The following SCARF1 variants were observed in gnomAD, a reference collection of about 807,000 sequenced individuals.
SCARF1 encodes acetyl LDL receptor.
In SCARF1, 49 loss-of-function variants were observed where a neutral mutation model predicts 76.3. That is an observed-to-expected ratio of 0.64 (90% CI 0.51 to 0.81). SCARF1 has a LOEUF of 0.81. Among genes scored for constraint, SCARF1 ranks in the 40% least tolerant of loss-of-function variants. The pLI, the probability that SCARF1 is intolerant of heterozygous loss-of-function variation, is 0.00. For missense variants in SCARF1, 1,098 were observed against 1,143.9 expected, an observed-to-expected ratio of 0.96 and a Z score of 0.58; for synonymous variants, 495 against 474.6, an observed-to-expected ratio of 1.04 and a Z score of -0.56.
intron 6 of SCARF1, 44 bp downstream of exon 6, chr17:1,639,868 C>G: frequency 6.2e-7 from 1 of 1,611,370 alleles, no homozygotes; most frequent in Non-Finnish European, 8.5e-7. Context: ...GAGCCCTGAC[C>G]TAGGCCCCTG....
In SCARF1 at chr17:1,644,957, T is replaced by C. The variant is rs1353174844; in HGVS notation, c.164-22A>G. The C allele has an allele frequency of 1.9e-6, 3 of 1,609,464 alleles. No individual in the cohort carries two copies. The highest frequency in any genetic ancestry group is 1.7e-5 in the Admixed American group (1 of 59,286). On this transcript the variant is annotated intron_variant, in intron 2 of 10. Transcript: ENST00000263071. The surrounding 1 kb of genome is among the most constrained non-coding windows in gnomAD (Gnocchi z 4.8). ...ATGGCTGAAAGACACCCCACCCAGG[T>C]TGGAAAGACGGGAGCAGGACCAGGG...
At chr17:1,637,876 C>A (rs1469040962) in intron 8 of SCARF1, among the ~76,000 whole-genome samples, 1 of 152,334 alleles carries the variant, frequency 6.6e-6, no homozygotes, top group Non-Finnish European at 1.5e-5. Context: ...GTTCCTCCAA[C>A]AGCCTTTGCA....
Position 1,635,324 on chromosome 17 carries a change from C to T in SCARF1, c.1927G>A (p.Ala643Thr), listed in dbSNP as rs762474903. Residue 643 changes from alanine (A) to threonine (T), a missense_variant, in exon 11 of 11, where the codon GCC becomes ACC. Transcript: ENST00000263071. ...EESTGPEEAE[A>T]PESFPAAASP... Reference sequence around the variant, plus strand: ...GCAGCCGCCGGAAAGGACTCGGGGGCTTCTGCTTCCTCTGGGCCTGTGGAC... The same window carrying T: ...GCAGCCGCCGGAAAGGACTCGGGGGTTTCTGCTTCCTCTGGGCCTGTGGAC... The T allele has an allele frequency of 1.2e-6, 2 of 1,612,626 alleles. No homozygotes were observed. The highest frequency in any genetic ancestry group is 1.1e-5 in the South Asian group (1 of 91,052).
At position 1,637,895 on chromosome 17, in the gene SCARF1, C is replaced by T. The variant is rs374135005; in HGVS notation, c.1365-833G>A. On this transcript the variant is annotated intron_variant, in intron 8 of 10. Coordinates refer to ENST00000263071, the MANE Select transcript of SCARF1 (RefSeq NM_003693.4). ...CTCCAACAGCCTTTGCACCTGTCCT[C>T]GTGTCCCTGCGAGGGGCTTCTTCCC... Among the ~76,000 whole-genome samples the T allele has an allele frequency of 8.5e-5, 13 of 152,320 alleles. No individual in the cohort carries two copies. The South Asian group carries it at 1.9e-3, about 22-fold the overall frequency.
chr17:1,643,425 C>G lies in SCARF1; in HGVS notation c.791+17G>C. 8.2e-7 allele frequency: 1 copy of G among 1,226,180 alleles called. No individual in the cohort carries two copies. Among genetic ancestry groups the G allele is most frequent in the Non-Finnish European group, 1.0e-6 (1 of 984,240 alleles). The allele number at this position is 1,226,180 out of a possible 1,614,324, so 76.0% of individuals were successfully genotyped here. ...CCCCGCCCCGCCAGCCCACCTGTCC[C>G]CGCCCCGCCCGCTCACCTGTGTGCG... On this transcript the variant is annotated intron_variant, in intron 4 of 10. Transcript: ENST00000263071.
chr17:1,644,686 G>C lies in SCARF1; in HGVS notation c.265+148C>G. The C allele has an allele frequency of 5.3e-6, 4 of 757,138 alleles. No homozygotes were observed. Among genetic ancestry groups the C allele is most frequent in the African/African-American group, 3.4e-5 (2 of 58,080 alleles). 46.9% of individuals were successfully genotyped at this position (757,138 alleles called of 1,614,324 possible). On this transcript the variant is annotated intron_variant, in intron 3 of 10. Coordinates refer to ENST00000263071, the MANE Select transcript of SCARF1 (RefSeq NM_003693.4). The surrounding 1 kb of genome is among the most constrained non-coding windows in gnomAD (Gnocchi z 4.8). The stretch of plus-strand genomic sequence containing the variant: ...CTCCCGGGAGTGTGTGTCACTTCCT[G>C]TCTCTGGACCGCAATTCCTCAGTGA...
chr17:1,645,602 G>T lies in SCARF1; in HGVS notation c.96C>A (p.Ala32=). 6.2e-7 allele frequency: 1 copy of T among 1,606,444 alleles called. No individual in the cohort carries two copies. Residue 32 remains alanine, a synonymous_variant, in exon 1 of 11, where the codon GCC becomes GCA. Transcript: ENST00000263071. This position sits in a 1 kb window ranked among gnomAD's most constrained non-coding sequence, Gnocchi z 6.3. ...CAGACTCCCACGAGACCCACCTGCT[G>T]GCCACACAGACGTGCTGCCCTTTGG... ...LDPKGQHVCV[A]SSPSAELQCC...
At position 1,640,959 on chromosome 17, in the gene SCARF1, G is replaced by A. The variant is rs955159870; in HGVS notation, c.792-293C>T. Reference sequence around the variant, plus strand: ...GCCAGGGCAGGCGAGTCACCACCAAGCTCTGAGTCCCATTTGCGAGGTCTG... The same window carrying A: ...GCCAGGGCAGGCGAGTCACCACCAAACTCTGAGTCCCATTTGCGAGGTCTG... On this transcript the variant is annotated intron_variant, in intron 4 of 10. Transcript: ENST00000263071. The surrounding 1 kb of genome is among the most constrained non-coding windows in gnomAD (Gnocchi z 4.7). Among the ~76,000 whole-genome samples the A allele has an allele frequency of 3.3e-5, 5 of 152,192 alleles. No homozygotes were observed. Among genetic ancestry groups the A allele is most frequent in the African/African-American group, 1.2e-4 (5 of 41,448 alleles).
chr17:1,637,074 G>T lies in SCARF1; in HGVS notation c.1365-12C>A. On this transcript the variant is annotated splice_polypyrimidine_tract_variant and intron_variant, in intron 8 of 10. Transcript: ENST00000263071. ...CATCTCTCGCTGGCCTGAGGGAGGA[G>T]GGTAGGGACACTGGTCAGTACATGA... 6.2e-7 allele frequency: 1 copy of T among 1,613,650 alleles called. No homozygotes were observed. The highest frequency in any genetic ancestry group is 8.5e-7 in the Non-Finnish European group (1 of 1,179,960).
rs748088283 is a variant in SCARF1, at chr17:1,633,903, A to G, written c.*855T>C. 1.3e-5 allele frequency: 2 copies of G among 152,192 alleles called. No homozygotes were observed. The highest frequency in any genetic ancestry group is 2.9e-5 in the Non-Finnish European group (2 of 68,038). The allele number at this position is 152,192 out of a possible 1,614,324, so 9.4% of individuals were successfully genotyped here. ...ACTTTTTATTTTTTTAACAAAGATC[A>G]TTGCTTTTTATTATACTTTATCAAA... On this transcript the variant is annotated 3_prime_UTR_variant, in exon 11 of 11. Transcript: ENST00000263071.
rs1465947827 is a variant in SCARF1 at position 1,634,873 on chromosome 17, G to A, written c.2378C>T (p.Pro793Leu). 6.2e-7 allele frequency: 1 copy of A among 1,613,956 alleles called. No individual in the cohort carries two copies. The highest frequency in any genetic ancestry group is 1.3e-5 in the African/African-American group (1 of 75,030). The change falls in exon 11 of 11, where the codon CCA (proline) becomes CTA (leucine). Residue 793 changes from proline to leucine, a missense_variant. Physicochemically the swap from Pro to Leu is moderately conservative, Grantham distance 98. Transcript: ENST00000263071. ...GTESSRRAQEPVSGCGSPEQD... is the reference protein window; with the variant it reads ...GTESSRRAQELVSGCGSPEQD... Reference sequence around the variant, plus strand: ...TTCTGGGGAGCCACAGCCAGAGACTGGCTCCTGGGCTCTCCTTGAACTCTC... The same window carrying A: ...TTCTGGGGAGCCACAGCCAGAGACTAGCTCCTGGGCTCTCCTTGAACTCTC...
chr17:1,641,768 C>G (rs1910071798), intron 4 of SCARF1, among the ~76,000 whole-genome samples: 1 of 152,222 alleles, frequency 6.6e-6, no homozygotes, highest in Non-Finnish European at 1.5e-5. Flanking sequence ...GTCGCCCAGG[C>G]TGGCGTGCAG....
At chr17:1,638,691 T>A in intron 8 of SCARF1, 115 bp downstream of exon 8, 523 of 948,900 alleles carry the variant, frequency 5.5e-4, no homozygotes, top group East Asian at 2.3e-3. Flanking sequence ...CCCCATCACC[T>A]CTGACCCACG....
rs1050260059 is a variant in SCARF1 at position 1,643,633 on chromosome 17, C to T, written c.600G>A (p.Pro200=). 4.8e-6 allele frequency: 7 copies of T among 1,462,132 alleles called. No individual in the cohort carries two copies. Among genetic ancestry groups the T allele is most frequent in the Non-Finnish European group, 6.3e-6 (7 of 1,113,272 alleles). 90.6% of individuals were successfully genotyped at this position (1,462,132 alleles called of 1,614,324 possible). A position where few individuals can be genotyped will look rare whatever the true frequency, so the allele number is the denominator to read the frequency against. ...CGCAGCGGCCGGAGTCCTGCTCGCA[C>T]GGGGAGCCGTGGCAGTTGCAGCGGA... ...CSFRCNCHGS[P]CEQDSGRCAC... Residue 200 remains proline, a synonymous_variant, in exon 4 of 11, where the codon CCG becomes CCA. Transcript: ENST00000263071.
chr17:1,642,886 G>T (rs58979926), intron 4 of SCARF1, among the ~76,000 whole-genome samples: 2 of 152,202 alleles, frequency 1.3e-5, no homozygotes, highest in African/African-American at 4.8e-5. Context: ...GTTTTTAGTA[G>T]AGACGAGGTT....
intron 8 of SCARF1, 30 bp from the exon 9 acceptor site, chr17:1,637,092 G>A: frequency 6.2e-7 from 1 of 1,608,054 alleles, no homozygotes; most frequent in Non-Finnish European, 8.5e-7. Context: ...ACACTGGTCA[G>A]TACATGAGAC....
intron 8 of SCARF1, among the ~76,000 whole-genome samples, chr17:1,637,777 G>C (rs143179353): frequency 6.6e-6 from 1 of 152,114 alleles, no homozygotes; most frequent in Non-Finnish European, 1.5e-5. Context: ...CGGCGCACCT[G>C]TCTCAAATGA....
rs1212093543 is a variant in SCARF1 at position 1,643,669 on chromosome 17, G to A, written c.564C>T (p.Arg188=). 2 of 1,467,320 alleles carry A rather than the reference G, an allele frequency of 1.4e-6. No homozygotes were observed. Among genetic ancestry groups the A allele is most frequent in the Non-Finnish European group, 1.8e-6 (2 of 1,116,758 alleles). The allele number at this position is 1,467,320 out of a possible 1,614,324, so 90.9% of individuals were successfully genotyped here. ...ACVCKPGWWG[R]RCSFRCNCHG... is the part of the protein sequence containing the mutation. The stretch of plus-strand genomic sequence containing the variant: ...GGCAGTTGCAGCGGAAGCTGCAGCG[G>A]CGCCCCCACCAGCCCGGCTTGCACA... Residue 188 remains arginine (R), a synonymous_variant, in exon 4 of 11, where the codon CGC becomes CGT. Transcript: ENST00000263071.
Position 1,645,135 on chromosome 17 carries a change from G to A in SCARF1, c.163+43C>T, listed in dbSNP as rs777314032. ...GAAGGAAGGGTTGTCACTGGGCTAC[G>A]GCCTCCCTTCTCCTTGGCTGAGGGT... On this transcript the variant is annotated intron_variant, in intron 2 of 10. Coordinates refer to ENST00000263071, the MANE Select transcript of SCARF1 (RefSeq NM_003693.4). This position sits in a 1 kb window ranked among gnomAD's most constrained non-coding sequence, Gnocchi z 6.3. 11 of 1,610,830 alleles carry A rather than the reference G, an allele frequency of 6.8e-6. No individual in the cohort carries two copies. Among genetic ancestry groups the A allele is most frequent in the East Asian group, 2.2e-5 (1 of 44,854 alleles).
Sources: allele counts gnomAD v4.1 joint callset (sites outside exome capture counted in the v4.1 genomes callset), GRCh38; gene constraint gnomAD v4.1.1; non-coding constraint Gnocchi (gnomAD v3.1); transcripts MANE v1.5; gene names NCBI Gene and HGNC (gene_info 2026-07-23, HGNC 2026-07-21).